Variants in SUGCT observed in about 807,000 individuals in gnomAD.
SUGCT encodes the protein succinyl-CoA:glutarate CoA-transferase.
A neutral mutation model predicts 55.0 loss-of-function variants in SUGCT; 41 were observed. The observed-to-expected ratio is 0.74, with a 90% CI of 0.58 to 0.97. SUGCT has a LOEUF of 0.97. Among genes scored for constraint, SUGCT ranks in the 50% least tolerant of loss-of-function variants. The probability of loss-of-function intolerance (pLI) is 0.00; values close to 1 mark genes in which losing one functional copy is unlikely to be tolerated. For synonymous variants in SUGCT, 187 were observed against 200.4 expected (o/e 0.93, Z 0.56); for missense variants, 568 against 547.8 (o/e 1.04, Z -0.37).
intron 11 of SUGCT, among the ~76,000 whole-genome samples, chr7:40,482,905 C>T (rs1791134680): frequency 6.6e-6 from 1 of 152,262 alleles, no homozygotes; most frequent in Middle Eastern, 3.4e-3. Context: ...AAAGCAGTGC[C>T]TAGATTCCTT....
intron 13 of SUGCT, among the ~76,000 whole-genome samples, chr7:40,778,637 TAATC>T (rs1192875601): frequency 1.3e-4 from 20 of 152,154 alleles, no homozygotes; most frequent in Admixed American, 8.5e-4. Flanking sequence ...GATCAGAAAA[TAATC>T]AAAGTGGATC....
intron 11 of SUGCT, among the ~76,000 whole-genome samples, chr7:40,464,433 C>T (rs147289520): frequency 6.6e-6 from 1 of 152,080 alleles, no homozygotes; most frequent in Non-Finnish European, 1.5e-5. Flanking sequence ...ATGGTGCCAT[C>T]TAAGATAAAT....
intron 13 of SUGCT, among the ~76,000 whole-genome samples, chr7:40,777,510 A>G (rs1789522348): frequency 6.6e-6 from 1 of 151,740 alleles, no homozygotes; most frequent in African/African-American, 2.4e-5. Context: ...GAATGTTGTT[A>G]GTATTAAATT....
chr7:40,618,844 C>A (rs1799132184), intron 12 of SUGCT, among the ~76,000 whole-genome samples: 1 of 152,274 alleles, frequency 6.6e-6, no homozygotes, highest in Non-Finnish European at 1.5e-5. Flanking sequence ...TCTGATTTTT[C>A]TGTTTCTAAA....
At chr7:40,631,362 T>C (rs191960584) in intron 12 of SUGCT, among the ~76,000 whole-genome samples, 1 of 152,362 alleles carries the variant, frequency 6.6e-6, no homozygotes, top group African/African-American at 2.4e-5. Context: ...GGATATAAAA[T>C]GCATCCTGAA....
the SUGCT span, among the ~76,000 whole-genome samples, chr7:40,912,189 T>C: frequency 2.6e-5 from 4 of 152,210 alleles, no homozygotes; most frequent in Non-Finnish European, 5.9e-5. Context: ...ATGTTTACAA[T>C]ACCTATCTTT....
chr7:40,618,542 T>C (rs2151786799), intron 12 of SUGCT, among the ~76,000 whole-genome samples: 1 of 152,352 alleles, frequency 6.6e-6, no homozygotes, highest in Admixed American at 6.5e-5. Context: ...CATGTCTTCA[T>C]ACATTCTGTG....
At chr7:40,809,543 T>G (rs1791294880) in intron 13 of SUGCT, among the ~76,000 whole-genome samples, 2 of 152,174 alleles carry the variant, frequency 1.3e-5, no homozygotes, top group African/African-American at 4.8e-5. Context: ...GTTAAAGAAG[T>G]ACCATACTAG....
intron 12 of SUGCT, among the ~76,000 whole-genome samples, chr7:40,707,591 T>C (rs1785491456): frequency 6.6e-6 from 1 of 152,224 alleles, no homozygotes; most frequent in African/African-American, 2.4e-5. Context: ...ACACAAATGT[T>C]TTTTGGATAT....
At chr7:40,893,981 T>C in the SUGCT span, among the ~76,000 whole-genome samples, 2 of 150,812 alleles carry the variant, frequency 1.3e-5, no homozygotes, top group African/African-American at 4.9e-5. Flanking sequence ...GACTCACTTA[T>C]ACCTGGGAGG....
intron 12 of SUGCT, among the ~76,000 whole-genome samples, chr7:40,627,562 CTGAT>C (rs1250279907): frequency 6.6e-6 from 1 of 152,164 alleles, no homozygotes; most frequent in African/African-American, 2.4e-5. Flanking sequence ...CACAATCAGT[CTGAT>C]TGGTTGCAGA....
intron 12 of SUGCT, among the ~76,000 whole-genome samples, chr7:40,609,338 G>C (rs529549187): frequency 6.6e-6 from 1 of 151,768 alleles, no homozygotes; most frequent in Non-Finnish European, 1.5e-5. Context: ...AGGCCGAGGC[G>C]GGCGGATCAC....
intron 9 of SUGCT, among the ~76,000 whole-genome samples, chr7:40,445,067 A>G (rs1788739638): frequency 6.6e-6 from 1 of 152,152 alleles, no homozygotes; most frequent in African/African-American, 2.4e-5. Flanking sequence ...CATCCCAGGG[A>G]TGAAGCCAAC....
the SUGCT span, among the ~76,000 whole-genome samples, chr7:40,958,205 C>A: frequency 6.6e-6 from 1 of 151,988 alleles, no homozygotes; most frequent in South Asian, 2.1e-4. Flanking sequence ...TGAATGTTGG[C>A]CTGTCTTGCT....
the SUGCT span, among the ~76,000 whole-genome samples, chr7:40,923,418 T>C: frequency 6.6e-6 from 1 of 152,222 alleles, no homozygotes. Context: ...GGCTTGGTCA[T>C]TGATAATCAT....
intron 7 of SUGCT, among the ~76,000 whole-genome samples, chr7:40,239,858 A>G (rs1389926522): frequency 6.6e-6 from 1 of 152,200 alleles, no homozygotes; most frequent in Non-Finnish European, 1.5e-5. Context: ...TATTTCTTTC[A>G]CATGGACACA....
intron 12 of SUGCT, among the ~76,000 whole-genome samples, chr7:40,544,194 T>G (rs929656833): frequency 7.3e-5 from 11 of 151,528 alleles, no homozygotes; most frequent in African/African-American, 2.7e-4. Flanking sequence ...TAAGCTGTCA[T>G]GTGGATGTGC....
chr7:40,832,954 G>A (rs563424720), intron 13 of SUGCT, among the ~76,000 whole-genome samples: 3 of 152,046 alleles, frequency 2.0e-5, no homozygotes, highest in Admixed American at 1.3e-4. Context: ...GATTACAGGC[G>A]TGAGTCACTG....
At chr7:40,586,846 G>T (rs1797407090) in intron 12 of SUGCT, among the ~76,000 whole-genome samples, 1 of 152,182 alleles carries the variant, frequency 6.6e-6, no homozygotes, top group Admixed American at 6.5e-5. Flanking sequence ...CTTATGATCT[G>T]CCATGTTTAG....
Sources: gnomAD v4.1 joint callset for allele counts (sites outside exome capture counted in the v4.1 genomes callset) on GRCh38, gnomAD v4.1.1 for gene constraint, MANE v1.5 for transcripts, NCBI Gene and HGNC (gene_info 2026-07-23, HGNC 2026-07-21) for gene names.